ARNT2: variants seen among roughly 807,000 people sequenced by gnomAD.
ARNT2 encodes aryl hydrocarbon receptor nuclear translocator 2.
Under a neutral mutation model 91.7 loss-of-function variants are expected in ARNT2, and 36 were observed. That is an observed-to-expected ratio of 0.39 (90% confidence interval 0.30 to 0.52). The LOEUF is 0.52. Among genes scored for constraint, ARNT2 ranks in the 20% least tolerant of loss-of-function variants. The pLI is 0.72. For missense variants in ARNT2, 775 were observed against 939.3 expected, an observed-to-expected ratio of 0.83 and a Z score of 2.29; for synonymous variants, 365 against 347.1, an observed-to-expected ratio of 1.05 and a Z score of -0.57.
Position 80,597,477 on chromosome 15 carries a change from CT to C in ARNT2, c.*3783del. 3.0e-6 allele frequency: 1 copy of C among 329,676 alleles called. No individual in the cohort carries two copies. 20.4% of individuals were successfully genotyped at this position (329,676 alleles called of 1,614,324 possible). On this transcript the variant is annotated 3_prime_UTR_variant, in exon 19 of 19. Coordinates refer to ENST00000303329, the MANE Select transcript of ARNT2 (RefSeq NM_014862.4). ...AGCCATGAGCCACCTGGACATTCAC[CT>C]TTTCTTTGACCATCTGGAGTCTGGG...
chr15:80,419,524 T>A (rs1416811833), intron 1 of ARNT2, among the ~76,000 whole-genome samples: 1 of 152,180 alleles, frequency 6.6e-6, no homozygotes, highest in Admixed American at 6.5e-5. Flanking sequence ...GAAGGGAAGA[T>A]AATTAATGAG....
rs376458003 is a variant in ARNT2, at chr15:80,591,526, G to T, written c.1919-42G>T. The T allele has an allele frequency of 6.2e-7, 1 of 1,610,816 alleles. No individual in the cohort carries two copies. Among genetic ancestry groups the T allele is most frequent in the Non-Finnish European group, 8.5e-7 (1 of 1,177,450 alleles). ...GTTCTTAGGTCTCACAGAACCACGG[G>T]ATGGCTTTTAAAGGAAGTGTCCTGT... is the stretch of plus-strand genomic sequence containing the variant. On this transcript the variant is annotated intron_variant, in intron 17 of 18. Transcript: ENST00000303329. This position sits in a 1 kb window ranked among gnomAD's most constrained non-coding sequence, Gnocchi z 5.1.
intron 18 of ARNT2, among the ~76,000 whole-genome samples, chr15:80,592,933 T>A (rs1212368688): frequency 2.0e-5 from 3 of 152,228 alleles, no homozygotes; most frequent in African/African-American, 7.2e-5. Context: ...AAGGACTGGA[T>A]TTCTAGGAGG....
At chr15:80,410,289 T>G (rs899453944) in intron 1 of ARNT2, among the ~76,000 whole-genome samples, 2 of 152,174 alleles carry the variant, frequency 1.3e-5, no homozygotes, top group African/African-American at 4.8e-5. Flanking sequence ...CATGTCCTGC[T>G]TGGGGCAGAA....
At chr15:80,514,190 G>A (rs899124551) in intron 7 of ARNT2, 130 bp from the exon 8 acceptor site, 29 of 1,023,434 alleles carry the variant, frequency 2.8e-5, no homozygotes, top group Non-Finnish European at 6.0e-6. Context: ...AACACAGGAT[G>A]GTGAGGAGTC....
At chr15:80,514,432 CG>C (rs1566991059) in intron 8 of ARNT2, 27 bp downstream of exon 8, 2 of 1,603,660 alleles carry the variant, frequency 1.2e-6, no homozygotes, top group Non-Finnish European at 1.7e-6. Flanking sequence ...GTAAATTCCA[CG>C]GGAACTGGGT....
At chr15:80,592,594 G>A (rs188074087) in intron 18 of ARNT2, among the ~76,000 whole-genome samples, 3 of 152,304 alleles carry the variant, frequency 2.0e-5, no homozygotes, top group South Asian at 4.1e-4. Context: ...CTCTCCTGCC[G>A]GGGTCAGCTG....
intron 11 of ARNT2, among the ~76,000 whole-genome samples, chr15:80,559,051 C>T (rs1465894540): frequency 1.3e-5 from 2 of 152,204 alleles, no homozygotes. Context: ...GGTGCAGTTG[C>T]CTGCCCCAGG....
rs527554207 is a variant in ARNT2 at position 80,462,151 on chromosome 15, T to A, written c.194+4175T>A. 5.3e-5 allele frequency among the ~76,000 whole-genome samples: 8 copies of A among 152,208 alleles called. No homozygotes were observed. In the East Asian group the frequency reaches 1.4e-3, roughly 26 times the overall value. On this transcript the variant is annotated intron_variant, in intron 3 of 18. Coordinates refer to ENST00000303329, the MANE Select transcript of ARNT2 (RefSeq NM_014862.4). ...CACTCAAGCAGAGGGCCAAAGCCTTTTCATCACTCTGAGTGGTTCAGGGGC... is the reference window on the plus strand; with the variant it reads ...CACTCAAGCAGAGGGCCAAAGCCTTATCATCACTCTGAGTGGTTCAGGGGC...
At chr15:80,574,338 A>G in intron 13 of ARNT2, 118 bp downstream of exon 13, 8 of 984,284 alleles carry the variant, frequency 8.1e-6, no homozygotes, top group Non-Finnish European at 1.1e-5. Context: ...TCCCCCCACT[A>G]CAATGGAAAG....
chr15:80,583,579 G>A (rs551260955), intron 17 of ARNT2, among the ~76,000 whole-genome samples: 63 of 152,326 alleles, frequency 4.1e-4, no homozygotes, highest in African/African-American at 1.5e-3. Context: ...CCTGCCCTTA[G>A]TAGGTACTTA....
intron 5 of ARNT2, among the ~76,000 whole-genome samples, chr15:80,500,116 G>C (rs1897171407): frequency 6.6e-6 from 1 of 152,164 alleles, no homozygotes; most frequent in Non-Finnish European, 1.5e-5. Flanking sequence ...CACAGCTCCA[G>C]GCTCCAAAGT....
chr15:80,549,329 A>C (rs974162695), intron 8 of ARNT2, among the ~76,000 whole-genome samples: 5 of 152,234 alleles, frequency 3.3e-5, no homozygotes, highest in African/African-American at 1.2e-4. Flanking sequence ...ATAGCTTTCT[A>C]ACTATGACTC....
At position 80,555,135 on chromosome 15, in the gene ARNT2, A is replaced by G. The variant is rs1426852638; in HGVS notation, c.1160A>G (p.Gln387Arg). The change falls in exon 11 of 19, where the codon CAG (glutamine) becomes CGG (arginine). Residue 387 changes from glutamine (Q) to arginine (R), a missense_variant. Gln to Arg is a conservative substitution (Grantham distance 43). Coordinates refer to ENST00000303329, the MANE Select transcript of ARNT2 (RefSeq NM_014862.4). ...CAAAGCCATCTGCGTGAGAGCTTCC[A>G]GCAGGTACATACTGCCAGTACCCAC... is the stretch of plus-strand genomic sequence containing the variant. ...EDQSHLRESF[Q>R]QVVKLKGQVL... The G allele has an allele frequency of 1.9e-6, 3 of 1,614,070 alleles. No homozygotes were observed. In the Admixed American group the frequency reaches 5.0e-5, roughly 27 times the overall value.
chr15:80,544,092 G>A (rs1897954357), intron 8 of ARNT2, among the ~76,000 whole-genome samples: 1 of 152,176 alleles, frequency 6.6e-6, no homozygotes. Flanking sequence ...ATCTCCAGAA[G>A]TTTGCTTTGG....
rs1895577666 is a variant in ARNT2, at chr15:80,404,993, C to A, written c.31+447C>A. 6.6e-6 allele frequency among the ~76,000 whole-genome samples: 1 copy of A among 152,154 alleles called. No homozygotes were observed. The highest frequency in any genetic ancestry group is 6.5e-5 in the Admixed American group (1 of 15,286). The stretch of plus-strand genomic sequence containing the variant: ...AGCTGGGATTCAACAGGGTACAACT[C>A]CCGGGACTCTCCCCTGCCCGCCCCG... On this transcript the variant is annotated intron_variant, in intron 1 of 18. Transcript: ENST00000303329. The surrounding 1 kb of genome is among the most constrained non-coding windows in gnomAD (Gnocchi z 5.5).
chr15:80,478,723 C>T (rs115636712), intron 5 of ARNT2, among the ~76,000 whole-genome samples: 4,278 of 152,336 alleles, frequency 0.028, 182 homozygotes, highest in African/African-American at 0.096. Flanking sequence ...CTTGGAAGAG[C>T]TCTCTGAAAC....
chr15:80,587,392 C>A (rs1893192840), intron 17 of ARNT2, among the ~76,000 whole-genome samples: 2 of 151,878 alleles, frequency 1.3e-5, no homozygotes, highest in South Asian at 4.2e-4. Context: ...TGTCAAATGT[C>A]CCCCTTGGTT....
rs141585521 is a variant in ARNT2, at chr15:80,404,989, A to G, written c.31+443A>G. Among the ~76,000 whole-genome samples, 454 of 152,116 alleles carry G rather than the reference A, an allele frequency of 3.0e-3. 1 individual carries two copies. The highest frequency in any genetic ancestry group is 5.3e-3 in the Non-Finnish European group (360 of 67,988). ...TTGGAGCTGGGATTCAACAGGGTAC[A>G]ACTCCCGGGACTCTCCCCTGCCCGC... is the stretch of plus-strand genomic sequence containing the variant. On this transcript the variant is annotated intron_variant, in intron 1 of 18. Coordinates refer to ENST00000303329, the MANE Select transcript of ARNT2 (RefSeq NM_014862.4). The surrounding 1 kb of genome is among the most constrained non-coding windows in gnomAD (Gnocchi z 5.5).
Sources: allele counts gnomAD v4.1 joint callset (sites outside exome capture counted in the v4.1 genomes callset), GRCh38; gene constraint gnomAD v4.1.1; non-coding constraint Gnocchi (gnomAD v3.1); transcripts MANE v1.5; gene names NCBI Gene and HGNC (gene_info 2026-07-23, HGNC 2026-07-21).